LSAMP: variants seen among roughly 807,000 people sequenced by gnomAD.
LSAMP encodes the protein limbic system-associated membrane protein.
Under a neutral mutation model 38.6 loss-of-function variants are expected in LSAMP, and 7 were observed. That is an observed-to-expected ratio of 0.18 (90% CI 0.10 to 0.34). The LOEUF is 0.34. Ranked by LOEUF, LSAMP falls within the 10% of genes least tolerant of loss-of-function variation. LSAMP has a pLI of 1.00. For synonymous variants in LSAMP, 154 were observed against 166.8 expected (o/e 0.92, Z 0.59); for missense variants, 313 against 420.0 (o/e 0.75, Z 2.23).
intron 1 of LSAMP, among the ~76,000 whole-genome samples, chr3:116,206,300 C>T (rs1384007058): frequency 6.7e-6 from 1 of 148,538 alleles, no homozygotes; most frequent in Non-Finnish European, 1.5e-5. Context: ...CTCTTTTTTT[C>T]TTTATTAGTC....
chr3:116,435,033 G>A (rs763583685), intron 1 of LSAMP, among the ~76,000 whole-genome samples: 4 of 152,158 alleles, frequency 2.6e-5, no homozygotes, highest in African/African-American at 4.8e-5. Context: ...GCAGGAAGAA[G>A]CACTAGTTCA....
intron 2 of LSAMP, among the ~76,000 whole-genome samples, chr3:116,030,083 C>T (rs1317759211): frequency 2.0e-5 from 3 of 152,172 alleles, no homozygotes; most frequent in African/African-American, 4.8e-5. Context: ...ATGTTCTCTG[C>T]TGGTGACACA....
At chr3:116,162,452 T>C (rs1313555223) in intron 1 of LSAMP, among the ~76,000 whole-genome samples, 1 of 152,150 alleles carries the variant, frequency 6.6e-6, no homozygotes, top group East Asian at 1.9e-4. Flanking sequence ...ACTCAGCACA[T>C]ACATTTGTTT....
chr3:116,084,226 A>AAG (rs1270010622), intron 2 of LSAMP, among the ~76,000 whole-genome samples: 1 of 152,116 alleles, frequency 6.6e-6, no homozygotes, highest in African/African-American at 2.4e-5. Context: ...GCACTTCTCC[A>AAG]TCCCTTAAGT....
intron 2 of LSAMP, among the ~76,000 whole-genome samples, chr3:116,060,270 G>A (rs1322017610): frequency 6.8e-6 from 1 of 147,950 alleles, no homozygotes; most frequent in Non-Finnish European, 1.5e-5. Context: ...TTTATTTCTC[G>A]CAAGTCAAAG....
chr3:116,390,666 T>C (rs1392942713), intron 1 of LSAMP, among the ~76,000 whole-genome samples: 1 of 146,928 alleles, frequency 6.8e-6, no homozygotes, highest in Non-Finnish European at 1.5e-5. Flanking sequence ...GGGATGGAGG[T>C]TGTAGTGAGC....
chr3:116,207,081 G>C (rs1194841689), intron 1 of LSAMP, among the ~76,000 whole-genome samples: 1 of 151,858 alleles, frequency 6.6e-6, no homozygotes, highest in Non-Finnish European at 1.5e-5. Flanking sequence ...TATGAATCTG[G>C]GTGCTACTGT....
At chr3:116,072,045 G>A (rs903827757) in intron 2 of LSAMP, among the ~76,000 whole-genome samples, 8 of 145,454 alleles carry the variant, frequency 5.5e-5, no homozygotes, top group East Asian at 2.0e-4. Flanking sequence ...GTGCGATCTC[G>A]GCTCACTGCA....
At chr3:116,139,292 A>C (rs549016866) in intron 1 of LSAMP, among the ~76,000 whole-genome samples, 92 of 152,098 alleles carry the variant, frequency 6.0e-4, no homozygotes, top group African/African-American at 2.1e-3. Context: ...CTTTGCCTTT[A>C]AACTTATTTT....
intron 1 of LSAMP, among the ~76,000 whole-genome samples, chr3:116,098,057 T>G (rs980602026): frequency 1.3e-5 from 2 of 152,120 alleles, no homozygotes. Context: ...TTTTGAAATA[T>G]ATTTTGTGGA....
intron 3 of LSAMP, among the ~76,000 whole-genome samples, chr3:115,875,520 T>C (rs982299193): frequency 2.0e-5 from 3 of 152,124 alleles, no homozygotes; most frequent in East Asian, 1.9e-4. Context: ...GCCTGTCACA[T>C]AGTAGATACT....
intron 6 of LSAMP, among the ~76,000 whole-genome samples, chr3:115,812,466 CACTTCT>C (rs1421659068): frequency 2.6e-5 from 4 of 152,088 alleles, no homozygotes; most frequent in African/African-American, 9.7e-5. Context: ...TTTCCTAATC[CACTTCT>C]ATGTCTCCTA....
intron 1 of LSAMP, among the ~76,000 whole-genome samples, chr3:116,164,760 A>ATATAT (rs374542146): frequency 0.22 from 19,925 of 90,952 alleles, 3,636 homozygotes; most frequent in East Asian, 0.44. Flanking sequence ...ATATATATAT[A>ATATAT]TTTTTTTTTT....
intron 1 of LSAMP, among the ~76,000 whole-genome samples, chr3:116,092,505 T>C (rs780735908): frequency 1.3e-5 from 2 of 152,190 alleles, no homozygotes; most frequent in Non-Finnish European, 2.9e-5. Context: ...TGCAAATCTA[T>C]GATTTTTAAA....
chr3:116,344,429 T>A (rs1416021642), intron 1 of LSAMP, among the ~76,000 whole-genome samples: 9 of 152,152 alleles, frequency 5.9e-5, no homozygotes, highest in Admixed American at 5.2e-4. Context: ...GAGAACATTA[T>A]TTTAATTTAA....
intron 3 of LSAMP, among the ~76,000 whole-genome samples, chr3:115,967,614 A>G (rs1416630915): frequency 6.6e-6 from 1 of 152,142 alleles, no homozygotes; most frequent in East Asian, 1.9e-4. Flanking sequence ...GAGACTGGGA[A>G]ATTTACAAAA....
intron 6 of LSAMP, among the ~76,000 whole-genome samples, chr3:115,819,327 T>C (rs930582242): frequency 2.0e-5 from 3 of 150,904 alleles, no homozygotes; most frequent in Admixed American, 6.6e-5. Flanking sequence ...CTCAGCTACT[T>C]GGGAGGCGGA....
intron 3 of LSAMP, among the ~76,000 whole-genome samples, chr3:115,891,923 C>T (rs1279421490): frequency 1.3e-5 from 2 of 151,874 alleles, no homozygotes; most frequent in African/African-American, 2.4e-5. Flanking sequence ...ATGATGTTCA[C>T]AGTCGGTTCT....
At chr3:115,865,512 A>G (rs2107373100) in intron 3 of LSAMP, among the ~76,000 whole-genome samples, 1 of 152,334 alleles carries the variant, frequency 6.6e-6, no homozygotes, top group South Asian at 2.1e-4. Context: ...TTAAAAAATT[A>G]CACAGATATA....
Sources: allele counts gnomAD v4.1 joint callset (sites outside exome capture counted in the v4.1 genomes callset), GRCh38; gene constraint gnomAD v4.1.1; transcripts MANE v1.5; gene names NCBI Gene and HGNC (gene_info 2026-07-23, HGNC 2026-07-21).